TMEM117: variants seen among roughly 807,000 people sequenced by gnomAD.
The protein encoded by TMEM117 is transmembrane protein 117.
Under a neutral mutation model 52.4 loss-of-function variants are expected in TMEM117, and 27 were observed. The observed-to-expected ratio is 0.51, with a 90% CI of 0.38 to 0.71. The LOEUF is 0.71. TMEM117 is among the 30% of genes least tolerant of loss of function. TMEM117 has a pLI of 0.00. For missense variants in TMEM117, 556 were observed against 630.5 expected (o/e 0.88, Z 1.26); for synonymous variants, 215 against 206.3 (o/e 1.04, Z -0.36).
chr12:43,835,662 G>A (rs970560171), upstream of TMEM117, among the ~76,000 whole-genome samples: 1 of 152,146 alleles, frequency 6.6e-6, no homozygotes, highest in African/African-American at 2.4e-5. Context: ...GGACATTCCA[G>A]TGGGACCCTC....
the TMEM117 span, among the ~76,000 whole-genome samples, chr12:44,397,378 C>G: frequency 4.3e-3 from 653 of 152,258 alleles, 4 homozygotes; most frequent in African/African-American, 0.015. Context: ...TGTCCCCATT[C>G]TTTATGTTTT....
At chr12:43,937,002 G>C (rs1383250862) in intron 2 of TMEM117, among the ~76,000 whole-genome samples, 2 of 152,178 alleles carry the variant, frequency 1.3e-5, no homozygotes, top group South Asian at 2.1e-4. Flanking sequence ...ATATACAAAG[G>C]AGTGAAAGGA....
chr12:43,995,327 T>C (rs1341927261), intron 3 of TMEM117, among the ~76,000 whole-genome samples: 1 of 152,108 alleles, frequency 6.6e-6, no homozygotes, highest in Non-Finnish European at 1.5e-5. Context: ...CCTTTAAACT[T>C]TGACTCTGAA....
At chr12:44,033,152 C>G (rs998282088) in intron 3 of TMEM117, among the ~76,000 whole-genome samples, 1 of 152,202 alleles carries the variant, frequency 6.6e-6, no homozygotes, top group Non-Finnish European at 1.5e-5. Context: ...GTTGTCCTCA[C>G]TGCTACACAC....
At chr12:44,347,392 G>C (rs187015604) in intron 6 of TMEM117, among the ~76,000 whole-genome samples, 1 of 152,160 alleles carries the variant, frequency 6.6e-6, no homozygotes, top group East Asian at 1.9e-4. Context: ...GGGTACTTAA[G>C]TTTTAAGAAT....
At chr12:44,231,913 T>C (rs1949938368) in intron 5 of TMEM117, among the ~76,000 whole-genome samples, 1 of 151,720 alleles carries the variant, frequency 6.6e-6, no homozygotes, top group Non-Finnish European at 1.5e-5. Context: ...TAAACTTTGA[T>C]GCAAAATTGT....
At chr12:43,877,890 A>AACACAC (rs369405497) in intron 2 of TMEM117, among the ~76,000 whole-genome samples, 10,237 of 143,000 alleles carry the variant, frequency 0.072, 421 homozygotes, top group Middle Eastern at 0.1. Flanking sequence ...GTAAAAACAA[A>AACACAC]ACACACACAC....
the TMEM117 span, chr12:43,804,582 A>C: frequency 3.2e-6 from 5 of 1,574,244 alleles, no homozygotes; most frequent in South Asian, 6.0e-5. Context: ...GCTGTGGAAA[A>C]AGATAAAGAA....
chr12:43,915,750 A>AAAAG (rs140303831), intron 2 of TMEM117, among the ~76,000 whole-genome samples: 1 of 152,112 alleles, frequency 6.6e-6, no homozygotes, highest in African/African-American at 2.4e-5. Context: ...TGAAGAAAGA[A>AAAAG]AAAGAAAGAA....
chr12:44,329,123 A>G (rs1056158645), intron 6 of TMEM117, among the ~76,000 whole-genome samples: 3 of 152,054 alleles, frequency 2.0e-5, no homozygotes, highest in African/African-American at 4.8e-5. Context: ...TGTGTAAAAT[A>G]TTTTGACTGC....
At chr12:44,010,545 T>G (rs190731095) in intron 3 of TMEM117, among the ~76,000 whole-genome samples, 1 of 152,308 alleles carries the variant, frequency 6.6e-6, no homozygotes, top group Non-Finnish European at 1.5e-5. Flanking sequence ...TATTTTCTCT[T>G]TATTGCGCTT....
chr12:44,124,979 G>A (rs1314828953), intron 3 of TMEM117, among the ~76,000 whole-genome samples: 1 of 152,166 alleles, frequency 6.6e-6, no homozygotes, highest in East Asian at 1.9e-4. Flanking sequence ...GTTTTAGTAG[G>A]AATGGTACCA....
intron 3 of TMEM117, among the ~76,000 whole-genome samples, chr12:44,078,982 G>A (rs1301448143): frequency 1.3e-5 from 2 of 151,132 alleles, no homozygotes; most frequent in East Asian, 3.9e-4. Context: ...CTGTTCTTGT[G>A]TTAGTTTGTT....
intron 3 of TMEM117, among the ~76,000 whole-genome samples, chr12:44,090,535 C>T (rs1351958429): frequency 1.3e-5 from 2 of 151,894 alleles, no homozygotes; most frequent in Non-Finnish European, 2.9e-5. Context: ...CTCCCGGGCT[C>T]AGGCAGTTCT....
intron 6 of TMEM117, among the ~76,000 whole-genome samples, chr12:44,368,640 A>G (rs1053509185): frequency 7.9e-5 from 12 of 152,190 alleles, no homozygotes; most frequent in Non-Finnish European, 1.8e-4. Flanking sequence ...AGTCATTCAG[A>G]CAATTGAATG....
intron 6 of TMEM117, among the ~76,000 whole-genome samples, chr12:44,349,057 G>A (rs1029367308): frequency 2.0e-5 from 3 of 151,914 alleles, no homozygotes; most frequent in African/African-American, 4.8e-5. Flanking sequence ...AACTATATTT[G>A]TATTAATCAA....
intron 6 of TMEM117, among the ~76,000 whole-genome samples, chr12:44,310,316 G>A (rs1950957618): frequency 2.0e-5 from 3 of 152,156 alleles, no homozygotes; most frequent in Non-Finnish European, 2.9e-5. Flanking sequence ...ATACTCTAAG[G>A]CAGTGATTCT....
At chr12:43,832,934 T>C (rs1403889924), upstream of TMEM117, among the ~76,000 whole-genome samples, 4 of 152,180 alleles carry the variant, frequency 2.6e-5, 1 homozygote, top group Admixed American at 6.5e-5. Context: ...TGTCACTAAT[T>C]GTTATTGTGA....
rs562012743 is a variant in TMEM117, at chr12:44,030,425, C to T, written c.410+86083C>T. On this transcript the variant is annotated intron_variant, in intron 3 of 7. Transcript: ENST00000266534. The stretch of plus-strand genomic sequence containing the variant: ...GCCTGGTGTGTCCTAGGATAGGCTC[C>T]ACACCTAGTACATAATTAAAATCGC... Among the ~76,000 whole-genome samples, 9 of 152,318 alleles carry T rather than the reference C, an allele frequency of 5.9e-5. No individual in the cohort carries two copies. The South Asian group carries it at 1.9e-3, about 32-fold the overall frequency.
Sources: allele counts gnomAD v4.1 joint callset (sites outside exome capture counted in the v4.1 genomes callset), GRCh38; gene constraint gnomAD v4.1.1; transcripts MANE v1.5; gene names NCBI Gene and HGNC (gene_info 2026-07-23, HGNC 2026-07-21).